NPAS3: variants seen among roughly 807,000 people sequenced by gnomAD.
The protein encoded by NPAS3 is neuronal PAS domain-containing protein 3.
NPAS3 carries 14 observed loss-of-function variants against 73.1 expected under a neutral mutation model. The observed-to-expected ratio is 0.19, with a 90% CI of 0.13 to 0.30. The LOEUF (loss-of-function observed/expected upper bound fraction) is 0.30, where lower values mean the gene tolerates loss of function less well. NPAS3 is among the 10% of genes least tolerant of loss of function. The pLI is 1.00. For missense variants in NPAS3, 1,096 were observed against 1,250.0 expected (o/e 0.88, Z 1.86); for synonymous variants, 620 against 541.5 (o/e 1.14, Z -2.01).
chr14:32,989,667 C>CAACAACAA (rs1555316479), intron 1 of NPAS3, among the ~76,000 whole-genome samples: 4,263 of 121,326 alleles, frequency 0.035, 126 homozygotes, highest in African/African-American at 0.092. Flanking sequence ...ACAACAACAA[C>CAACAACAA]AACAAAACAA....
chr14:33,562,594 A>T (rs745414086), intron 5 of NPAS3, among the ~76,000 whole-genome samples: 1 of 152,210 alleles, frequency 6.6e-6, no homozygotes, highest in Non-Finnish European at 1.5e-5. Context: ...ATTTTTGCGT[A>T]TACCAGTTTA....
chr14:33,605,483 G>C (rs1288217243), intron 5 of NPAS3, among the ~76,000 whole-genome samples: 1 of 147,776 alleles, frequency 6.8e-6, no homozygotes, highest in Non-Finnish European at 1.5e-5. Context: ...AAGACTACTA[G>C]ATCTGGTTGA....
At chr14:33,332,098 G>A (rs1231001537) in intron 3 of NPAS3, among the ~76,000 whole-genome samples, 1 of 152,034 alleles carries the variant, frequency 6.6e-6, no homozygotes, top group Non-Finnish European at 1.5e-5. Flanking sequence ...AAACTTTCAG[G>A]GAGCAAGCCT....
chr14:33,024,792 T>A (rs1229963485), intron 1 of NPAS3, among the ~76,000 whole-genome samples: 2 of 152,224 alleles, frequency 1.3e-5, no homozygotes, highest in Non-Finnish European at 2.9e-5. Context: ...TTTGTTTATG[T>A]GTATCTGTAG....
In NPAS3 at chr14:33,644,949, C is replaced by T. The variant is rs112782950; in HGVS notation, c.559-31262C>T. On this transcript the variant is annotated intron_variant, in intron 5 of 11. Coordinates refer to ENST00000356141, the Ensembl canonical transcript of NPAS3. ...TACAAAATTTATCCAGGTGTGGTGG[C>T]GGGCACCTGTAATCCCAGCTACTTG... Among the ~76,000 whole-genome samples the T allele has an allele frequency of 4.4e-3, 662 of 151,726 alleles. 8 individuals carry two copies. Among genetic ancestry groups the T allele is most frequent in the East Asian group, 0.015 (77 of 5,150 alleles).
At chr14:33,550,641 A>G (rs2055067814) in intron 4 of NPAS3, among the ~76,000 whole-genome samples, 1 of 152,216 alleles carries the variant, frequency 6.6e-6, no homozygotes, top group African/African-American at 2.4e-5. Flanking sequence ...TGTGAAATGA[A>G]AGAAGGTTAG....
chr14:33,045,654 A>G (rs1318742110), intron 1 of NPAS3, among the ~76,000 whole-genome samples: 1 of 152,194 alleles, frequency 6.6e-6, no homozygotes, highest in African/African-American at 2.4e-5. Context: ...GCTTAGTTCA[A>G]CTGGCAAGAG....
chr14:33,091,153 A>C (rs2042210432), intron 2 of NPAS3, among the ~76,000 whole-genome samples: 1 of 152,242 alleles, frequency 6.6e-6, no homozygotes, highest in Non-Finnish European at 1.5e-5. Flanking sequence ...ACAGAACTGA[A>C]GGAGATAGAG....
chr14:33,080,162 CAGTGG>C (rs1238056691), intron 2 of NPAS3, among the ~76,000 whole-genome samples: 1 of 152,042 alleles, frequency 6.6e-6, no homozygotes, highest in Non-Finnish European at 1.5e-5. Context: ...GGCTGGAGTG[CAGTGG>C]AGTGATCTCA....
intron 2 of NPAS3, among the ~76,000 whole-genome samples, chr14:33,177,071 T>TTTATTA (rs58286290): frequency 0.16 from 22,451 of 137,994 alleles, 2,099 homozygotes; most frequent in Non-Finnish European, 0.2. Context: ...TGTTTATCTT[T>TTTATTA]TTATTATTAT....
intron 3 of NPAS3, among the ~76,000 whole-genome samples, chr14:33,240,259 C>G (rs1332554147): frequency 1.3e-5 from 2 of 151,808 alleles, no homozygotes; most frequent in Admixed American, 1.3e-4. Context: ...TCTGATCATT[C>G]ACTTACAGAA....
chr14:33,753,512 T>C (rs1309689660), intron 7 of NPAS3, among the ~76,000 whole-genome samples: 1 of 152,182 alleles, frequency 6.6e-6, no homozygotes, highest in Non-Finnish European at 1.5e-5. Flanking sequence ...GATTCTGCAG[T>C]AACTGTAAGT....
At chr14:33,538,794 A>T (rs2054371045) in intron 4 of NPAS3, among the ~76,000 whole-genome samples, 1 of 152,136 alleles carries the variant, frequency 6.6e-6, no homozygotes. Context: ...CTGTAATGCA[A>T]CCTTAAGACA....
At chr14:33,477,745 T>C (rs1294632784) in intron 4 of NPAS3, among the ~76,000 whole-genome samples, 1 of 152,176 alleles carries the variant, frequency 6.6e-6, no homozygotes, top group Non-Finnish European at 1.5e-5. Flanking sequence ...ACCATAGTAA[T>C]AATTTTTCAC....
At chr14:33,141,345 C>G (rs2139176063) in intron 2 of NPAS3, among the ~76,000 whole-genome samples, 1 of 152,266 alleles carries the variant, frequency 6.6e-6, no homozygotes, top group Non-Finnish European at 1.5e-5. Flanking sequence ...TCACAGCAGA[C>G]TACTACTTTT....
intron 2 of NPAS3, among the ~76,000 whole-genome samples, chr14:33,199,378 T>C (rs924042119): frequency 6.6e-6 from 1 of 152,178 alleles, no homozygotes; most frequent in Non-Finnish European, 1.5e-5. Context: ...GGATTCTCTT[T>C]TACAAAAATT....
At chr14:33,775,964 T>A (rs1301608829) in intron 8 of NPAS3, among the ~76,000 whole-genome samples, 1 of 152,204 alleles carries the variant, frequency 6.6e-6, no homozygotes, top group Non-Finnish European at 1.5e-5. Context: ...TCCATTGCCT[T>A]TGGGCAATTT....
intron 6 of NPAS3, among the ~76,000 whole-genome samples, chr14:33,701,311 C>A (rs1264864407): frequency 6.6e-6 from 1 of 152,244 alleles, no homozygotes; most frequent in Non-Finnish European, 1.5e-5. Context: ...TTTGCCTGAT[C>A]ATTGATCTCA....
At chr14:33,644,088 C>T (rs2058754480) in intron 5 of NPAS3, among the ~76,000 whole-genome samples, 1 of 152,158 alleles carries the variant, frequency 6.6e-6, no homozygotes, top group South Asian at 2.1e-4. Context: ...TCTTGTGTCA[C>T]TCGCTCTTCT....
Sources: gnomAD v4.1 joint callset for allele counts (sites outside exome capture counted in the v4.1 genomes callset) on GRCh38, gnomAD v4.1.1 for gene constraint, MANE v1.5 for transcripts, NCBI Gene and HGNC (gene_info 2026-07-23, HGNC 2026-07-21) for gene names.